The following YIPF2 variants were observed in gnomAD, a reference collection of about 807,000 sequenced individuals.
The protein encoded by YIPF2 is Yip1 domain family member 2, also known as protein YIPF2.
A neutral mutation model predicts 38.8 loss-of-function variants in YIPF2; 30 were observed. The ratio of observed to expected loss-of-function variants is 0.77; its 90% confidence interval spans 0.58 to 1.05. The LOEUF (loss-of-function observed/expected upper bound fraction) is 1.05, where lower values mean the gene tolerates loss of function less well. YIPF2 is among the 50% of genes least tolerant of loss of function. The pLI, the probability that YIPF2 is intolerant of heterozygous loss-of-function variation, is 0.00. For missense variants in YIPF2, 401 were observed against 409.7 expected, an observed-to-expected ratio of 0.98 and a Z score of 0.18; for synonymous variants, 194 against 183.8, an observed-to-expected ratio of 1.06 and a Z score of -0.45.
rs770502955 is a variant in YIPF2, at chr19:10,923,606, G to A, written c.723C>T (p.Ala241=). ...CGGGCCAGAGGGTGAATACCAGCCC[G>A]GCGGCTGACAGGCCCAGGGCCAGCG... ...FGALALGLSA[A]GLVFTLWPVV... The change falls in exon 8 of 10, where the codon GCC becomes GCT. Residue 241 remains alanine, a synonymous_variant. Coordinates refer to ENST00000586748, the MANE Select transcript of YIPF2 (RefSeq NM_001321439.2). The A allele has an allele frequency of 4.7e-5, 76 of 1,612,884 alleles. 2 individuals are homozygous for A. The Middle Eastern group carries it at 4.9e-4, about 10-fold the overall frequency.
Position 10,923,922 on chromosome 19 carries a change from T to TGCGC in YIPF2, c.558_561dup (p.Lys188AlafsTer67). On this transcript the variant is annotated frameshift_variant, in exon 7 of 10. Coordinates refer to ENST00000586748, the MANE Select transcript of YIPF2 (RefSeq NM_001321439.2). LOFTEE classifies it high-confidence loss of function. ...GGCCCCATGCGCTCCTGGACACCCTTGCGCCACCGCAGGAAGCCCCACAGG... is the reference window on the plus strand; with the variant it reads ...GGCCCCATGCGCTCCTGGACACCCTTGCGCGCGCCACCGCAGGAAGCCCCACAGG... The TGCGC allele has an allele frequency of 6.2e-7, 1 of 1,613,298 alleles. No individual in the cohort carries two copies. The highest frequency in any genetic ancestry group is 8.5e-7 in the Non-Finnish European group (1 of 1,179,738).
Position 10,925,651 on chromosome 19 carries a change from A to G in YIPF2, c.367+35T>C, listed in dbSNP as rs1267589359. 3 of 1,612,720 alleles carry G rather than the reference A, an allele frequency of 1.9e-6. No individual in the cohort carries two copies. The African/African-American group carries it at 4.0e-5, about 22-fold the overall frequency. ...CAACTCAGGCCACACTTGTTGAGTG[A>G]TCCATCAAGGAACCAAATGCACAAC... On this transcript the variant is annotated intron_variant, in intron 5 of 9. Transcript: ENST00000586748.
intron 5 of YIPF2, among the ~76,000 whole-genome samples, chr19:10,925,059 C>A (rs1220430329): frequency 1.3e-5 from 2 of 151,986 alleles, no homozygotes; most frequent in Admixed American, 1.3e-4. Context: ...CGGTGAAACT[C>A]CGTCCCTAAT....
chr19:10,927,145 T>A (rs573228190), intron 4 of YIPF2, among the ~76,000 whole-genome samples: 83 of 152,296 alleles, frequency 5.4e-4, no homozygotes, highest in African/African-American at 1.9e-3. Context: ...AGTGCTGGGA[T>A]TACAGGCATG....
intron 7 of YIPF2, 54 bp downstream of exon 7, chr19:10,923,779 C>A: frequency 1.3e-6 from 2 of 1,590,088 alleles, no homozygotes; most frequent in Non-Finnish European, 8.6e-7. Flanking sequence ...CGGCAGGTGA[C>A]CATGCCAGTG....
Position 10,923,808 on chromosome 19 carries a change from CCACTCCGCGCCAGGCCACACT to C in YIPF2, c.651+4_651+24del. The stretch of plus-strand genomic sequence containing the variant: ...GCCAGTGTCCCCACACAGCCACCAC[CCACTCCGCGCCAGGCCACACT>C]CACCACCATGGGGATGAAGACAAAG... On this transcript the variant is annotated splice_donor_5th_base_variant and intron_variant, in intron 7 of 9. Transcript: ENST00000586748. The C allele has an allele frequency of 6.2e-7, 1 of 1,606,004 alleles. No individual in the cohort carries two copies. Among genetic ancestry groups the C allele is most frequent in the Non-Finnish European group, 8.5e-7 (1 of 1,175,862 alleles).
intron 5 of YIPF2, among the ~76,000 whole-genome samples, chr19:10,925,164 G>A (rs2083403624): frequency 1.3e-5 from 2 of 151,254 alleles, no homozygotes; most frequent in Non-Finnish European, 2.9e-5. Context: ...TGCGGGAGGG[G>A]AAGATTGCAG....
Position 10,923,824 on chromosome 19 carries a change from C to T in YIPF2, c.651+9G>A. 1 of 1,611,208 alleles carries T rather than the reference C, an allele frequency of 6.2e-7. No individual in the cohort carries two copies. Among genetic ancestry groups the T allele is most frequent in the Non-Finnish European group, 8.5e-7 (1 of 1,178,646 alleles). ...AGCCACCACCCACTCCGCGCCAGGC[C>T]ACACTCACCACCATGGGGATGAAGA... On this transcript the variant is annotated intron_variant, in intron 7 of 9. Transcript: ENST00000586748.
chr19:10,927,704 G>T lies in YIPF2; in HGVS notation c.205C>A (p.Gln69Lys), dbSNP rs761838015. The T allele has an allele frequency of 6.2e-7, 1 of 1,613,408 alleles. No homozygotes were observed. Among genetic ancestry groups the T allele is most frequent in the South Asian group, 1.1e-5 (1 of 91,062 alleles). Reference protein sequence around the residue: ...ESDKAALLQEQQQQQQPGFWT... With the variant: ...ESDKAALLQEKQQQQQPGFWT... ...AATCCCGGCTGCTGCTGCTGCTGCT[G>T]CTCCTGCAGGAGCTGCACATTGCGG... Residue 69 changes from glutamine (Q) to lysine (K), a missense_variant, in exon 4 of 10, where the codon CAG (glutamine) becomes AAG (lysine). Gln to Lys is a moderately conservative substitution (Grantham distance 53). Coordinates refer to ENST00000586748, the MANE Select transcript of YIPF2 (RefSeq NM_001321439.2).
rs763889213 is a variant in YIPF2 at position 10,923,920 on chromosome 19, C to T, written c.564G>A (p.Lys188=). 2 of 1,613,210 alleles carry T rather than the reference C, an allele frequency of 1.2e-6. No individual in the cohort carries two copies. The highest frequency in any genetic ancestry group is 2.7e-5 in the African/African-American group (2 of 74,900). Residue 188 remains lysine, a synonymous_variant, in exon 7 of 10, where the codon AAG becomes AAA. Coordinates refer to ENST00000586748, the MANE Select transcript of YIPF2 (RefSeq NM_001321439.2). ...AGGGCCCCATGCGCTCCTGGACACCCTTGCGCCACCGCAGGAAGCCCCACA... is the reference window on the plus strand; with the variant it reads ...AGGGCCCCATGCGCTCCTGGACACCTTTGCGCCACCGCAGGAAGCCCCACA... ...LALWGFLRWR[K]GVQERMGPYT...
chr19:10,924,418 T>C (rs771190441), intron 5 of YIPF2, among the ~76,000 whole-genome samples: 3 of 152,112 alleles, frequency 2.0e-5, no homozygotes, highest in Non-Finnish European at 4.4e-5. Context: ...TCTCACCTCA[T>C]TGGTGCCAAT....
chr19:10,924,043 C>T, intron 6 of YIPF2, 33 bp downstream of exon 6: 1 of 1,612,974 alleles, frequency 6.2e-7, no homozygotes, highest in South Asian at 1.1e-5. Flanking sequence ...ACCCCAGGGC[C>T]CTGCCAGGCA....
chr19:10,924,221 C>A (rs766644785), intron 5 of YIPF2, 29 bp from the exon 6 acceptor site: 1 of 1,585,790 alleles, frequency 6.3e-7, no homozygotes, highest in South Asian at 1.1e-5. Context: ...GTCAGGGTCC[C>A]GGGCCCTGCA....
intron 4 of YIPF2, 117 bp downstream of exon 4, chr19:10,927,513 G>A: frequency 7.7e-7 from 1 of 1,304,246 alleles, no homozygotes; most frequent in South Asian, 1.4e-5. Flanking sequence ...ATAACCCTTT[G>A]AGAGCACCAC....
In YIPF2 at chr19:10,928,499, C is replaced by T. The variant is rs1004707851; in HGVS notation, c.-31+12G>A. ...CCCGCCCCCGAGCCGGTCCCTCGGC[C>T]CCCAGCCCTACCTGGCGACCAACTG... On this transcript the variant is annotated intron_variant, in intron 1 of 9. Coordinates refer to ENST00000586748, the MANE Select transcript of YIPF2 (RefSeq NM_001321439.2). The T allele has an allele frequency of 1.5e-4, 198 of 1,350,794 alleles. No homozygotes were observed. Among genetic ancestry groups the T allele is most frequent in the Middle Eastern group, 5.2e-4 (2 of 3,818 alleles). The allele number at this position is 1,350,794 out of a possible 1,614,324, so 83.7% of individuals were successfully genotyped here. A position where few individuals can be genotyped will look rare whatever the true frequency, so the allele number is the denominator to read the frequency against.
chr19:10,923,259 G>C lies in YIPF2; in HGVS notation c.*19+13C>G. 6.3e-7 allele frequency: 1 copy of C among 1,581,958 alleles called. No homozygotes were observed. Among genetic ancestry groups the C allele is most frequent in the South Asian group, 1.1e-5 (1 of 87,990 alleles). Reference sequence around the variant, plus strand: ...AGGGCAGCCCCCTTAGCCCAGCTGGGAATAGTCCTTACCTGTGGGACCCGG... The same window carrying C: ...AGGGCAGCCCCCTTAGCCCAGCTGGCAATAGTCCTTACCTGTGGGACCCGG... On this transcript the variant is annotated intron_variant, in intron 9 of 9. Transcript: ENST00000586748.
At position 10,928,445 on chromosome 19, in the gene YIPF2, G is replaced by A; in HGVS notation, c.-30-5C>T. 2 of 1,356,644 alleles carry A rather than the reference G, an allele frequency of 1.5e-6. No individual in the cohort carries two copies. 84.0% of individuals were successfully genotyped at this position (1,356,644 alleles called of 1,614,324 possible). A position where few individuals can be genotyped will look rare whatever the true frequency, so the allele number is the denominator to read the frequency against. On this transcript the variant is annotated splice_polypyrimidine_tract_variant and splice_region_variant and intron_variant, in intron 1 of 9. Coordinates refer to ENST00000586748, the MANE Select transcript of YIPF2 (RefSeq NM_001321439.2). ...GGGGCGTCTCCGCATCCCTCGCTGA[G>A]GACAGAGACCGGTCAGGCACACTTC...
rs145854773 is a variant in YIPF2, at chr19:10,923,508, G to A, written c.821C>T (p.Ala274Val). ...CCAGACCCGTACCTTACAGCCCATG[G>A]CCAGGAGGGCGTGGAGCAGCACGAC... ...SVVVLLHALL[A>V]MGCKLYFFQS... The change falls in exon 8 of 10, where the codon GCC (alanine) becomes GTC (valine). Residue 274 changes from alanine (A) to valine (V), a missense_variant. By Grantham distance (64) the Ala-to-Val change is moderately conservative. Coordinates refer to ENST00000586748, the MANE Select transcript of YIPF2 (RefSeq NM_001321439.2). 172 of 1,612,752 alleles carry A rather than the reference G, an allele frequency of 1.1e-4. 1 individual carries two copies. The African/African-American group carries it at 2.2e-3, about 20-fold the overall frequency.
In YIPF2 at chr19:10,923,590, G is replaced by GGGT; in HGVS notation, c.736_738dup (p.Thr246dup). The GGGT allele has an allele frequency of 6.2e-7, 1 of 1,613,008 alleles. No homozygotes were observed. Among genetic ancestry groups the GGGT allele is most frequent in the South Asian group, 1.1e-5 (1 of 91,076 alleles). On this transcript the variant is annotated inframe_insertion, in exon 8 of 10. Transcript: ENST00000586748. Reference sequence around the variant, plus strand: ...GTGTCCTCACGGACCACGGGCCAGAGGGTGAATACCAGCCCGGCGGCTGAC... The same window carrying GGGT: ...GTGTCCTCACGGACCACGGGCCAGAGGGTGGTGAATACCAGCCCGGCGGCTGAC...
Sources: allele counts gnomAD v4.1 joint callset (sites outside exome capture counted in the v4.1 genomes callset), GRCh38; gene constraint gnomAD v4.1.1; transcripts MANE v1.5; gene names NCBI Gene and HGNC (gene_info 2026-07-23, HGNC 2026-07-21).